PLAAT1: variants seen among roughly 807,000 people sequenced by gnomAD.
PLAAT1 encodes the protein phospholipase A and acyltransferase 1.
PLAAT1 carries 13 observed loss-of-function variants against 16.4 expected under a neutral mutation model. The ratio of observed to expected loss-of-function variants is 0.79; its 90% confidence interval spans 0.52 to 1.26. The LOEUF (loss-of-function observed/expected upper bound fraction) is 1.26. Ranked by LOEUF, PLAAT1 falls within the 50% of genes most tolerant of loss-of-function variation. The probability of loss-of-function intolerance (pLI) is 0.00; values close to 1 mark genes in which losing one functional copy is unlikely to be tolerated. For missense variants in PLAAT1, 218 were observed against 207.8 expected, an observed-to-expected ratio of 1.05 and a Z score of -0.30; for synonymous variants, 73 against 78.4, an observed-to-expected ratio of 0.93 and a Z score of 0.36.
chr3:193,240,709 T>C (rs746784138), upstream of PLAAT1, among the ~76,000 whole-genome samples: 143 of 142,592 alleles, frequency 1.0e-3, no homozygotes, highest in South Asian at 1.4e-3. Flanking sequence ...GCTGGCTATC[T>C]GGCGTGTGTG....
At chr3:193,256,688 A>G (rs1228115439) in intron 2 of PLAAT1, among the ~76,000 whole-genome samples, 2 of 152,200 alleles carry the variant, frequency 1.3e-5, no homozygotes, top group African/African-American at 4.8e-5. Flanking sequence ...GTTGATGGTA[A>G]TATAAATTGA....
chr3:193,276,517 A>T (rs1717210327), intron 2 of PLAAT1, among the ~76,000 whole-genome samples: 2 of 152,348 alleles, frequency 1.3e-5, no homozygotes, highest in African/African-American at 4.8e-5. Context: ...TAGAGTTCAT[A>T]CATGTTTTGC....
At chr3:193,275,296 T>C (rs746803210), downstream of PLAAT1, 2 of 1,612,370 alleles carry the variant, frequency 1.2e-6, no homozygotes, top group Non-Finnish European at 1.7e-6. Flanking sequence ...TTTTGAAGGA[T>C]GGAATCCTGA....
chr3:193,265,397 A>G (rs1478081743), intron 3 of PLAAT1, among the ~76,000 whole-genome samples: 2 of 152,214 alleles, frequency 1.3e-5, no homozygotes, highest in Non-Finnish European at 2.9e-5. Context: ...GAGACTACAT[A>G]TTATATTATT....
chr3:193,279,154 A>G (rs1000701970), downstream of PLAAT1, among the ~76,000 whole-genome samples: 2 of 152,228 alleles, frequency 1.3e-5, no homozygotes, highest in African/African-American at 4.8e-5. Context: ...TAGGTACAGG[A>G]TAAATGTACC....
At chr3:193,266,431 T>A (rs905833582) in intron 3 of PLAAT1, among the ~76,000 whole-genome samples, 16 of 152,198 alleles carry the variant, frequency 1.1e-4, no homozygotes, top group African/African-American at 3.9e-4. Context: ...ATTTCACCTT[T>A]CACATCTAGA....
rs536944064 is a variant in PLAAT1 at position 193,255,291 on chromosome 3, T to A, written c.1-360T>A. Among the ~76,000 whole-genome samples, 6 of 152,330 alleles carry A rather than the reference T, an allele frequency of 3.9e-5. No homozygotes were observed. The East Asian group carries it at 1.2e-3, about 29-fold the overall frequency. On this transcript the variant is annotated intron_variant, in intron 1 of 3. Coordinates refer to ENST00000264735, the MANE Select transcript of PLAAT1 (RefSeq NM_020386.5). Reference sequence around the variant, plus strand: ...TTTTTATCCTAAATAGACCATTTTTTAATATTTAATCCTTGATATTTTTAA... The same window carrying A: ...TTTTTATCCTAAATAGACCATTTTTAAATATTTAATCCTTGATATTTTTAA...
At chr3:193,274,711 T>A (rs2108808542), downstream of PLAAT1, 1 of 254,082 alleles carries the variant, frequency 3.9e-6, no homozygotes, top group African/African-American at 2.2e-5. Context: ...GTTGCCTCAA[T>A]TTTTCTTTTT....
At chr3:193,249,310 G>A (rs1716104686) in intron 1 of PLAAT1, among the ~76,000 whole-genome samples, 1 of 151,946 alleles carries the variant, frequency 6.6e-6, no homozygotes, top group Non-Finnish European at 1.5e-5. Flanking sequence ...CCTGTTAGAT[G>A]TTTGTCAAGC....
intron 2 of PLAAT1, chr3:193,277,564 C>T (rs768864503): frequency 3.3e-5 from 5 of 152,214 alleles, no homozygotes; most frequent in African/African-American, 7.2e-5. Context: ...TATCTAAATG[C>T]TTATCCCTAA....
At position 193,241,328 on chromosome 3, in the gene PLAAT1, C is replaced by T; in HGVS notation, c.-206C>T. The T allele has an allele frequency of 8.1e-7, 1 of 1,231,386 alleles. No homozygotes were observed. The highest frequency in any genetic ancestry group is 1.5e-5 in the African/African-American group (1 of 64,518). 76.3% of individuals were successfully genotyped at this position (1,231,386 alleles called of 1,614,324 possible). On this transcript the variant is annotated 5_prime_UTR_variant, in exon 1 of 4. Coordinates refer to ENST00000264735, the MANE Select transcript of PLAAT1 (RefSeq NM_020386.5). ...CGCGGAGGGGCCGCCGGGACCGTTT[C>T]AGCGTGGCGGCGCTGGTGCTGGCGT... is the stretch of plus-strand genomic sequence containing the variant.
rs1716354937 is a variant in PLAAT1, at chr3:193,255,848, G to T, written c.139+59G>T. Reference sequence around the variant, plus strand: ...AGTTTTAGTGTTCTTGTTACAGGAAGTAATCATGGGTGAAATAATAAACAA... The same window carrying T: ...AGTTTTAGTGTTCTTGTTACAGGAATTAATCATGGGTGAAATAATAAACAA... On this transcript the variant is annotated intron_variant, in intron 2 of 3. Transcript: ENST00000264735. The T allele has an allele frequency of 2.9e-6, 4 of 1,364,322 alleles. No homozygotes were observed. In the Admixed American group the frequency reaches 9.7e-5, roughly 33 times the overall value. The allele number at this position is 1,364,322 out of a possible 1,614,324, so 84.5% of individuals were successfully genotyped here.
chr3:193,241,256 C>T lies in PLAAT1; in HGVS notation c.-278C>T. The T allele has an allele frequency of 8.1e-7, 1 of 1,227,888 alleles. No individual in the cohort carries two copies. Among genetic ancestry groups the T allele is most frequent in the Non-Finnish European group, 1.0e-6 (1 of 985,488 alleles). 76.1% of individuals were successfully genotyped at this position (1,227,888 alleles called of 1,614,324 possible). On this transcript the variant is annotated 5_prime_UTR_variant, in exon 1 of 4. It adds an upstream start codon to the 5' untranslated region. Coordinates refer to ENST00000264735, the MANE Select transcript of PLAAT1 (RefSeq NM_020386.5). ...TCGTGCCGGCTCGGCAGCGCCCGGA[C>T]GCCGAGCCCAGCGCGTCGGCCCCCC...
At chr3:193,251,351 T>A (rs944877602) in intron 1 of PLAAT1, among the ~76,000 whole-genome samples, 1 of 152,158 alleles carries the variant, frequency 6.6e-6, no homozygotes, top group East Asian at 1.9e-4. Context: ...AGGTTTATTC[T>A]TTTTTTGCTA....
At chr3:193,268,521 C>T (rs1335810155) in intron 3 of PLAAT1, among the ~76,000 whole-genome samples, 4 of 152,118 alleles carry the variant, frequency 2.6e-5, no homozygotes, top group Non-Finnish European at 5.9e-5. Context: ...CAAAGTAAGC[C>T]GTGAAGTAAA....
chr3:193,272,460 C>CA (rs1234292527), downstream of PLAAT1, among the ~76,000 whole-genome samples: 1 of 122,636 alleles, frequency 8.2e-6, no homozygotes, highest in Non-Finnish European at 1.9e-5. Flanking sequence ...CAAAACAAAA[C>CA]AAAACAAAAA....
rs148548058 is a variant in PLAAT1, at chr3:193,275,902, G to A, written c.*60-1734G>A. Among the ~76,000 whole-genome samples, 653 of 152,180 alleles carry A rather than the reference G, an allele frequency of 4.3e-3. 2 individuals are homozygous for A. The highest frequency in any genetic ancestry group is 0.014 in the Middle Eastern group (4 of 294). On this transcript the variant is annotated intron_variant and NMD_transcript_variant, in intron 2 of 2. Coordinates refer to the PLAAT1 transcript ENST00000416012. Reference sequence around the variant, plus strand: ...ATTTTTATTTTATTATGGGAAGAACGTAGGTACAATATGATTAATAATGAT... The same window carrying A: ...ATTTTTATTTTATTATGGGAAGAACATAGGTACAATATGATTAATAATGAT...
downstream of PLAAT1, chr3:193,281,056 G>A (rs572309843): frequency 5.7e-5 from 15 of 261,354 alleles, no homozygotes; most frequent in Middle Eastern, 2.0e-3. Context: ...AATGCAGCAC[G>A]TCTCAGAAGT....
chr3:193,274,936 T>G (rs1272794653), downstream of PLAAT1: 1 of 1,462,594 alleles, frequency 6.8e-7, no homozygotes, highest in East Asian at 2.3e-5. Context: ...TTTGAATGCT[T>G]GAATGGAGAG....
Sources: allele counts gnomAD v4.1 joint callset (sites outside exome capture counted in the v4.1 genomes callset), GRCh38; gene constraint gnomAD v4.1.1; transcripts MANE v1.5; gene names NCBI Gene and HGNC (gene_info 2026-07-23, HGNC 2026-07-21).